The following PDZD2 variants were observed in gnomAD, a reference collection of about 807,000 sequenced individuals.
PDZD2 encodes the protein PDZ domain-containing protein 2.
PDZD2 carries 90 observed loss-of-function variants against 220.7 expected under a neutral mutation model. The observed-to-expected ratio is 0.41, with a 90% CI of 0.34 to 0.49. PDZD2 has a LOEUF of 0.49. Among genes scored for constraint, PDZD2 ranks in the 20% least tolerant of loss-of-function variants. PDZD2 has a pLI of 0.28. For missense variants in PDZD2, 3,174 were observed against 3,608.5 expected, an observed-to-expected ratio of 0.88 and a Z score of 3.08; for synonymous variants, 1,375 against 1,450.5, an observed-to-expected ratio of 0.95 and a Z score of 1.18.
At chr5:31,833,646 A>AAAAAAAT (rs763627298) in intron 2 of PDZD2, among the ~76,000 whole-genome samples, 1 of 4,610 alleles carries the variant, frequency 2.2e-4, no homozygotes, top group Non-Finnish European at 6.9e-4. Context: ...AAAAAAAAAA[A>AAAAAAAT]AAAAGAAAAG....
intron 1 of PDZD2, among the ~76,000 whole-genome samples, chr5:31,691,553 A>C (rs1472136206): frequency 1.3e-5 from 2 of 150,776 alleles, no homozygotes; most frequent in East Asian, 3.9e-4. Flanking sequence ...TTATTCTCTT[A>C]TCTGGCGCCA....
chr5:31,983,008 TG>T (rs1332702847), intron 2 of PDZD2, 146 bp from the exon 3 acceptor site: 1 of 690,908 alleles, frequency 1.4e-6, no homozygotes, highest in African/African-American at 1.8e-5. Flanking sequence ...AAGAATGAAT[TG>T]GGTGTTGAAT....
intron 6 of PDZD2, among the ~76,000 whole-genome samples, chr5:32,034,421 C>T (rs1755370282): frequency 6.7e-6 from 1 of 150,046 alleles, no homozygotes; most frequent in South Asian, 2.1e-4. Context: ...TGCAGTGGCG[C>T]AATCTCAGCT....
At chr5:32,055,197 A>G (rs998792954) in intron 10 of PDZD2, among the ~76,000 whole-genome samples, 1 of 152,044 alleles carries the variant, frequency 6.6e-6, no homozygotes, top group Non-Finnish European at 1.5e-5. Context: ...ATACATATAT[A>G]TATTTATTTT....
chr5:31,840,787 T>C, intron 2 of PDZD2: 1 of 807,750 alleles, frequency 1.2e-6, no homozygotes, highest in Non-Finnish European at 2.2e-6. Flanking sequence ...TTGTAGACTC[T>C]TCCCGTTTTG....
At chr5:31,965,756 G>A (rs1748686569) in intron 2 of PDZD2, among the ~76,000 whole-genome samples, 1 of 152,036 alleles carries the variant, frequency 6.6e-6, no homozygotes. Flanking sequence ...AATTAGCCAG[G>A]CATGGTGGCA....
intron 2 of PDZD2, among the ~76,000 whole-genome samples, chr5:31,874,942 A>AT (rs1453974588): frequency 1.3e-5 from 2 of 152,094 alleles, no homozygotes; most frequent in African/African-American, 2.4e-5. Flanking sequence ...GCTCCATTCC[A>AT]TTCCAGTTTA....
chr5:32,087,467 T>G lies in PDZD2; in HGVS notation c.4019T>G (p.Leu1340Arg). 1 of 1,613,868 alleles carries G rather than the reference T, an allele frequency of 6.2e-7. No individual in the cohort carries two copies. Among genetic ancestry groups the G allele is most frequent in the Non-Finnish European group, 8.5e-7 (1 of 1,179,868 alleles). ...AEGMTPAGAV[L>R]PGDPLTSQEQ... Reference sequence around the variant, plus strand: ...GGAATGACACCAGCTGGTGCTGTCCTGCCAGGAGACCCCCTCACATCCCAG... The same window carrying G: ...GGAATGACACCAGCTGGTGCTGTCCGGCCAGGAGACCCCCTCACATCCCAG... Residue 1340 changes from leucine to arginine, a missense_variant, in exon 20 of 25, where the codon CTG becomes CGG. This residue lies in a region of PDZD2 where 1,861 missense variants were observed against 2,001.0 expected (regional missense o/e 0.93). Coordinates refer to ENST00000438447, the MANE Select transcript of PDZD2 (RefSeq NM_178140.4). The surrounding 1 kb of genome is among the most constrained non-coding windows in gnomAD (Gnocchi z 4.0).
intron 19 of PDZD2, among the ~76,000 whole-genome samples, chr5:32,082,196 G>A (rs1561534530): frequency 6.7e-6 from 1 of 150,342 alleles, no homozygotes; most frequent in Non-Finnish European, 1.5e-5. Flanking sequence ...CAATTTTTGT[G>A]TTTTTAGTAG....
intron 5 of PDZD2, among the ~76,000 whole-genome samples, chr5:32,008,544 C>T (rs973515144): frequency 1.3e-5 from 2 of 152,108 alleles, no homozygotes; most frequent in Admixed American, 6.6e-5. Flanking sequence ...CCTCGGCCTC[C>T]CAAGTGCTAG....
At chr5:31,655,742 C>A (rs1392917738) in intron 1 of PDZD2, among the ~76,000 whole-genome samples, 4 of 151,666 alleles carry the variant, frequency 2.6e-5, no homozygotes, top group Non-Finnish European at 5.9e-5. Flanking sequence ...TGAGGTATAG[C>A]CCAAGCACTG....
intron 2 of PDZD2, among the ~76,000 whole-genome samples, chr5:31,980,822 C>T (rs1554018468): frequency 1.3e-5 from 2 of 152,102 alleles, no homozygotes; most frequent in African/African-American, 2.4e-5. Flanking sequence ...CTTGCTCTGT[C>T]GCCCAGGCTG....
intron 2 of PDZD2, among the ~76,000 whole-genome samples, chr5:31,816,802 A>T (rs1354569894): frequency 6.6e-6 from 1 of 152,242 alleles, no homozygotes; most frequent in African/African-American, 2.4e-5. Context: ...ATTATGATTG[A>T]TTAAATCATA....
chr5:31,857,042 C>A (rs933867516), intron 2 of PDZD2, among the ~76,000 whole-genome samples: 2 of 152,000 alleles, frequency 1.3e-5, no homozygotes, highest in Admixed American at 1.3e-4. Context: ...GAGGCGTGGT[C>A]TTGTTATGTT....
At chr5:31,679,832 T>A (rs1390079035) in intron 1 of PDZD2, among the ~76,000 whole-genome samples, 1 of 152,138 alleles carries the variant, frequency 6.6e-6, no homozygotes, top group Non-Finnish European at 1.5e-5. Flanking sequence ...TTTTTGAAGG[T>A]TCCCCCTGGA....
At chr5:32,060,952 T>G (rs1044129108) in intron 13 of PDZD2, 50 bp from the exon 14 acceptor site, 3 of 1,605,322 alleles carry the variant, frequency 1.9e-6, no homozygotes, top group Non-Finnish European at 2.6e-6. Context: ...TATTTTAGCT[T>G]TAAGAAGCTG....
At chr5:31,640,914 T>C (rs1744924605) in intron 1 of PDZD2, among the ~76,000 whole-genome samples, 1 of 151,804 alleles carries the variant, frequency 6.6e-6, no homozygotes, top group Non-Finnish European at 1.5e-5. Flanking sequence ...AGAGGAAAAA[T>C]CAGAACCATG....
chr5:32,073,716 G>A (rs960706167), intron 17 of PDZD2, 116 bp from the exon 18 acceptor site: 1 of 724,926 alleles, frequency 1.4e-6, no homozygotes. Context: ...CTGAGGCTGT[G>A]TGTCTGGTGT....
At chr5:31,957,178 G>A (rs72759613) in intron 2 of PDZD2, among the ~76,000 whole-genome samples, 8,447 of 152,270 alleles carry the variant, frequency 0.055, 362 homozygotes, top group Non-Finnish European at 0.087. Flanking sequence ...TTGGAACTAC[G>A]GGCATGAGCC....
Sources: allele counts gnomAD v4.1 joint callset (sites outside exome capture counted in the v4.1 genomes callset), GRCh38; gene constraint gnomAD v4.1.1; regional missense constraint gnomAD v4.1.1; non-coding constraint Gnocchi (gnomAD v3.1); transcripts MANE v1.5; gene names NCBI Gene and HGNC (gene_info 2026-07-23, HGNC 2026-07-21).